The following DOCK3 variants were observed in gnomAD, a reference collection of about 807,000 sequenced individuals.
The protein encoded by DOCK3 is dedicator of cytokinesis protein 3.
Under a neutral mutation model 265.6 loss-of-function variants are expected in DOCK3, and 60 were observed. That is an observed-to-expected ratio of 0.23 (90% CI 0.18 to 0.28). The LOEUF (loss-of-function observed/expected upper bound fraction) is 0.28, where lower values mean the gene tolerates loss of function less well. DOCK3 is among the 10% of genes least tolerant of loss of function. The probability of loss-of-function intolerance (pLI) is 1.00; values close to 1 mark genes in which losing one functional copy is unlikely to be tolerated. For missense variants in DOCK3, 1,981 were observed against 2,594.3 expected (o/e 0.76, Z 5.14); for synonymous variants, 881 against 938.0 (o/e 0.94, Z 1.11).
intron 1 of DOCK3, among the ~76,000 whole-genome samples, chr3:50,759,277 G>A (rs1223278923): frequency 1.3e-5 from 2 of 151,452 alleles, no homozygotes; most frequent in East Asian, 3.9e-4. Flanking sequence ...ATTTTTTTAG[G>A]AATTGCTATA....
intron 21 of DOCK3, among the ~76,000 whole-genome samples, chr3:51,241,370 A>T (rs546636624): frequency 6.6e-6 from 1 of 152,024 alleles, no homozygotes; most frequent in Admixed American, 6.5e-5. Flanking sequence ...TTTCATTTTG[A>T]CCTTGGAGAA....
At chr3:51,093,027 C>T (rs1478382526) in intron 9 of DOCK3, among the ~76,000 whole-genome samples, 2 of 152,106 alleles carry the variant, frequency 1.3e-5, no homozygotes, top group Non-Finnish European at 2.9e-5. Flanking sequence ...TCTTCTGTTC[C>T]ATTGGCCTAT....
intron 5 of DOCK3, among the ~76,000 whole-genome samples, chr3:50,984,941 C>G (rs973675118): frequency 2.6e-5 from 4 of 152,174 alleles, no homozygotes; most frequent in South Asian, 2.1e-4. Context: ...TGTGCAAATA[C>G]TGTGCCGTTT....
chr3:51,331,727 G>A (rs2084531780), intron 33 of DOCK3, among the ~76,000 whole-genome samples: 1 of 152,176 alleles, frequency 6.6e-6, no homozygotes, highest in Non-Finnish European at 1.5e-5. Context: ...GGAGGCTAAG[G>A]TGGGAGGATT....
At position 51,374,808 on chromosome 3, in the gene DOCK3, CCATTGGAACCAG is replaced by C; in HGVS notation, c.5412+227_5412+238del. On this transcript the variant is annotated intron_variant, in intron 50 of 52. Transcript: ENST00000266037. The surrounding 1 kb of genome is among the most constrained non-coding windows in gnomAD (Gnocchi z 4.8). ...GTGAGTAGAATGGTGGCAGGAACCA[CCATTGGAACCAG>C]CATTGCTCATGTAGCTATCTGTCCT... 6.6e-6 allele frequency among the ~76,000 whole-genome samples: 1 copy of C among 152,330 alleles called. No individual in the cohort carries two copies. Among genetic ancestry groups the C allele is most frequent in the South Asian group, 2.1e-4 (1 of 4,824 alleles).
rs149167517 is a variant in DOCK3, at chr3:51,278,346, C to T, written c.2823+592C>T. 3.8e-3 allele frequency: 3,701 copies of T among 985,354 alleles called. 8 individuals are homozygous for T. Among genetic ancestry groups the T allele is most frequent in the Admixed American group, 5.0e-3 (82 of 16,284 alleles). The allele number at this position is 985,354 out of a possible 1,614,324, so 61.0% of individuals were successfully genotyped here. A position where few individuals can be genotyped will look rare whatever the true frequency, so the allele number is the denominator to read the frequency against. On this transcript the variant is annotated intron_variant, in intron 26 of 52. Coordinates refer to ENST00000266037, the MANE Select transcript of DOCK3 (RefSeq NM_004947.5). ...GGGCAGAGAGACAATACCTTGGGCC[C>T]CTCATGCACCCCAACTCCAGAGTAG...
chr3:50,955,102 A>C (rs983332533), intron 5 of DOCK3, among the ~76,000 whole-genome samples: 2 of 152,170 alleles, frequency 1.3e-5, no homozygotes, highest in African/African-American at 4.8e-5. Context: ...ACTGATCATT[A>C]GATAAATGCA....
At chr3:51,330,266 A>G (rs1400726599) in intron 33 of DOCK3, 43 bp downstream of exon 33, 5 of 1,546,598 alleles carry the variant, frequency 3.2e-6, no homozygotes, top group Non-Finnish European at 4.4e-6. Flanking sequence ...GGGGGATGGG[A>G]TGAAGTGGGC....
intron 27 of DOCK3, among the ~76,000 whole-genome samples, chr3:51,307,812 T>C (rs2082770563): frequency 6.6e-6 from 1 of 151,988 alleles, no homozygotes; most frequent in African/African-American, 2.4e-5. Flanking sequence ...TTTTTTTTTT[T>C]AGCCATTCTC....
chr3:50,878,257 C>T (rs964320377), intron 3 of DOCK3, among the ~76,000 whole-genome samples: 49 of 152,260 alleles, frequency 3.2e-4, no homozygotes, highest in Non-Finnish European at 6.2e-4. Flanking sequence ...AGCAATGAAA[C>T]AAAGCTGGAA....
At chr3:51,149,350 G>T (rs2085461897) in intron 10 of DOCK3, among the ~76,000 whole-genome samples, 1 of 151,988 alleles carries the variant, frequency 6.6e-6, no homozygotes, top group Admixed American at 6.6e-5. Flanking sequence ...TTGCCTGATT[G>T]CCCTGACCAG....
intron 12 of DOCK3, among the ~76,000 whole-genome samples, chr3:51,186,819 G>A (rs533734980): frequency 1.4e-4 from 21 of 152,238 alleles, no homozygotes; most frequent in Admixed American, 3.9e-4. Flanking sequence ...GCCTGCCAGC[G>A]CACAGAAGTC....
At chr3:51,075,245 G>C (rs1575980336) in intron 6 of DOCK3, 111 bp from the exon 7 acceptor site, 1 of 787,380 alleles carries the variant, frequency 1.3e-6, no homozygotes, top group African/African-American at 1.7e-5. Context: ...TGCTAGGACA[G>C]TGTCTGATCC....
intron 5 of DOCK3, among the ~76,000 whole-genome samples, chr3:51,035,454 T>A (rs1157046413): frequency 1.3e-5 from 2 of 152,194 alleles, no homozygotes; most frequent in Non-Finnish European, 2.9e-5. Context: ...TTGAGATTTC[T>A]TATTTTGTCA....
At chr3:51,267,693 T>TA (rs1298395254) in intron 23 of DOCK3, among the ~76,000 whole-genome samples, 2 of 152,082 alleles carry the variant, frequency 1.3e-5, no homozygotes, top group African/African-American at 2.4e-5. Flanking sequence ...GCCACACACA[T>TA]ACGTTTATTG....
At chr3:50,831,254 A>G (rs1462794829) in intron 2 of DOCK3, among the ~76,000 whole-genome samples, 2 of 151,064 alleles carry the variant, frequency 1.3e-5, no homozygotes, top group African/African-American at 4.9e-5. Context: ...TTTTAAAATT[A>G]TACTTTAAAT....
chr3:51,239,872 T>A (rs750083016), intron 21 of DOCK3, among the ~76,000 whole-genome samples: 5 of 152,140 alleles, frequency 3.3e-5, no homozygotes, highest in Non-Finnish European at 7.3e-5. Context: ...TAGCTAGCAG[T>A]CTATTAATTG....
At chr3:51,097,557 T>A (rs1298114697) in intron 9 of DOCK3, among the ~76,000 whole-genome samples, 3 of 152,192 alleles carry the variant, frequency 2.0e-5, no homozygotes, top group Admixed American at 2.0e-4. Context: ...GGGGGTGGGA[T>A]CTGCTGAGCT....
At chr3:51,339,165 T>A (rs2085073341) in intron 37 of DOCK3, 137 bp downstream of exon 37, 2 of 688,498 alleles carry the variant, frequency 2.9e-6, no homozygotes, top group Admixed American at 3.4e-5. Context: ...TCCCCTCACC[T>A]CACTCATTTC....
Sources: gnomAD v4.1 joint callset for allele counts (sites outside exome capture counted in the v4.1 genomes callset) on GRCh38, gnomAD v4.1.1 for gene constraint, Gnocchi (gnomAD v3.1) non-coding constraint, MANE v1.5 for transcripts, NCBI Gene and HGNC (gene_info 2026-07-23, HGNC 2026-07-21) for gene names.